PCDHA9: variants seen among roughly 807,000 people sequenced by gnomAD.
PCDHA9 encodes protocadherin alpha-9.
A neutral mutation model predicts 62.0 loss-of-function variants in PCDHA9; 62 were observed. That is an observed-to-expected ratio of 1.00 (90% CI 0.81 to 1.23). The LOEUF (loss-of-function observed/expected upper bound fraction) is 1.23. PCDHA9 is among the 50% of genes most tolerant of loss of function. The pLI is 0.00. For missense variants in PCDHA9, 1,205 were observed against 1,249.8 expected, an observed-to-expected ratio of 0.96 and a Z score of 0.54; for synonymous variants, 557 against 567.6, an observed-to-expected ratio of 0.98 and a Z score of 0.27.
At chr5:141,007,704 C>T (rs2098341593) in intron 3 of PCDHA9, among the ~76,000 whole-genome samples, 1 of 152,200 alleles carries the variant, frequency 6.6e-6, no homozygotes, top group African/African-American at 2.4e-5. Flanking sequence ...CCTCCTCTGC[C>T]TCCCACCACC....
chr5:140,972,280 T>C (rs1210047183), intron 1 of PCDHA9, among the ~76,000 whole-genome samples: 1 of 151,092 alleles, frequency 6.6e-6, no homozygotes, highest in South Asian at 2.1e-4. Context: ...GCTTGGACCA[T>C]AGATGTGCGC....
intron 1 of PCDHA9, chr5:140,875,484 C>A: frequency 6.2e-7 from 1 of 1,611,246 alleles, no homozygotes. Context: ...TGGTGATTAT[C>A]GGACCAAGAG....
Position 140,849,665 on chromosome 5 carries a change from G to T in PCDHA9, c.1170G>T (p.Thr390=), listed in dbSNP as rs1255665975. The change falls in exon 1 of 4, where the codon ACG becomes ACT. Residue 390 remains threonine (T), a synonymous_variant. Coordinates refer to ENST00000532602, the MANE Select transcript of PCDHA9 (RefSeq NM_031857.2). ...ACGGGCAGGTTACCTGCTCCCTGAC[G>T]CCCCACGTCCCCTTCAAGCTGGTGT... is the stretch of plus-strand genomic sequence containing the variant. ...DANGQVTCSL[T]PHVPFKLVST... 6.3e-7 allele frequency: 1 copy of T among 1,598,534 alleles called. No individual in the cohort carries two copies. The highest frequency in any genetic ancestry group is 2.2e-5 in the East Asian group (1 of 44,852).
intron 3 of PCDHA9, among the ~76,000 whole-genome samples, chr5:141,004,253 C>G (rs1460798910): frequency 6.6e-6 from 1 of 152,200 alleles, no homozygotes; most frequent in Non-Finnish European, 1.5e-5. Flanking sequence ...TTTTGTTTTA[C>G]TGGAATGAGT....
chr5:140,907,598 A>G (rs2073483512), intron 1 of PCDHA9, among the ~76,000 whole-genome samples: 1 of 152,198 alleles, frequency 6.6e-6, no homozygotes, highest in Admixed American at 6.5e-5. Context: ...CACCCTGAGG[A>G]ATGGTGCCAT....
At position 140,940,270 on chromosome 5, in the gene PCDHA9, G is replaced by A. The variant is rs1236320412; in HGVS notation, c.2395-38679G>A. Among the ~76,000 whole-genome samples, 4 of 152,094 alleles carry A rather than the reference G, an allele frequency of 2.6e-5. No homozygotes were observed. In the East Asian group the frequency reaches 7.7e-4, roughly 29 times the overall value. ...TCCTCAATATCTTCTGGGTTCCACT[G>A]TTGTCTCATTGTGCTGCTTCATCAG... On this transcript the variant is annotated intron_variant, in intron 1 of 3. Transcript: ENST00000532602.
At position 141,010,302 on chromosome 5, in the gene PCDHA9, A is replaced by C; in HGVS notation, c.*365A>C. On this transcript the variant is annotated 3_prime_UTR_variant, in exon 4 of 4. Coordinates refer to ENST00000532602, the MANE Select transcript of PCDHA9 (RefSeq NM_031857.2). ...TGATGACACTTGCAGGGCAGGCTGA[A>C]AAGTTTTGAGATTGAGCAGCTTGGG... The C allele has an allele frequency of 6.5e-7, 1 of 1,549,074 alleles. No individual in the cohort carries two copies. The highest frequency in any genetic ancestry group is 8.7e-7 in the Non-Finnish European group (1 of 1,146,244).
intron 1 of PCDHA9, chr5:140,862,507 G>C (rs2047400822): frequency 5.0e-6 from 2 of 401,986 alleles, no homozygotes; most frequent in Non-Finnish European, 5.0e-6. Flanking sequence ...ATGGGGACTC[G>C]CTTTCATTGT....
At position 140,943,090 on chromosome 5, in the gene PCDHA9, C is replaced by A. The variant is rs554425182; in HGVS notation, c.2395-35859C>A. On this transcript the variant is annotated intron_variant, in intron 1 of 3. Coordinates refer to ENST00000532602, the MANE Select transcript of PCDHA9 (RefSeq NM_031857.2). The stretch of plus-strand genomic sequence containing the variant: ...TGACCAACATGGTGAAATCCTGCCT[C>A]TACTAAAAAATACAAAAATTAGCCA... Among the ~76,000 whole-genome samples the A allele has an allele frequency of 1.8e-4, 27 of 151,656 alleles. No homozygotes were observed. The South Asian group carries it at 2.5e-3, about 14-fold the overall frequency.
At chr5:140,909,235 A>G (rs1554193708) in intron 1 of PCDHA9, among the ~76,000 whole-genome samples, 1 of 152,182 alleles carries the variant, frequency 6.6e-6, no homozygotes, top group African/African-American at 2.4e-5. Flanking sequence ...TAGGATGGTA[A>G]AGATATATTG....
chr5:140,858,100 C>T lies in PCDHA9; in HGVS notation c.2394+7211C>T, dbSNP rs368579908. ...AGGCCTCGTCGCGGGCTTCAGTGGG[C>T]GTGGCGCCCGAGGTGGCCCTGGTGG... On this transcript the variant is annotated intron_variant, in intron 1 of 3. Coordinates refer to ENST00000532602, the MANE Select transcript of PCDHA9 (RefSeq NM_031857.2). 202 of 1,597,586 alleles carry T rather than the reference C, an allele frequency of 1.3e-4. 22 individuals are homozygous for T. The highest frequency in any genetic ancestry group is 1.7e-4 in the Non-Finnish European group (196 of 1,167,684).
chr5:140,962,171 G>T (rs1218733161), intron 1 of PCDHA9, among the ~76,000 whole-genome samples: 1 of 151,902 alleles, frequency 6.6e-6, no homozygotes, highest in Admixed American at 6.6e-5. Flanking sequence ...CACCACACCC[G>T]GCCACTTATA....
intron 1 of PCDHA9, chr5:140,863,417 G>C: frequency 7.1e-6 from 5 of 701,160 alleles, no homozygotes; most frequent in African/African-American, 1.8e-5. Context: ...CTGGTGTACC[G>C]CAGCGTAGTG....
At chr5:140,935,633 C>T (rs1316098876) in intron 1 of PCDHA9, among the ~76,000 whole-genome samples, 4 of 152,046 alleles carry the variant, frequency 2.6e-5, no homozygotes, top group African/African-American at 7.2e-5. Context: ...AAATTTAGGG[C>T]TTGCTTTTTA....
chr5:140,954,777 T>C (rs1563274185), intron 1 of PCDHA9, among the ~76,000 whole-genome samples: 1 of 152,214 alleles, frequency 6.6e-6, no homozygotes, highest in African/African-American at 2.4e-5. Flanking sequence ...TTAATTTAAT[T>C]AGATCTCATT....
At position 140,850,781 on chromosome 5, in the gene PCDHA9, G is replaced by C. The variant is rs2150498025; in HGVS notation, c.2286G>C (p.Glu762Asp). Residue 762 changes from glutamate to aspartate, a missense_variant, in exon 1 of 4, where the codon GAG (glutamate) becomes GAC (aspartate). Coordinates refer to ENST00000532602, the MANE Select transcript of PCDHA9 (RefSeq NM_031857.2). ...QQRRQRVCSG[E>D]GKQKTDLMAF... ...GGAGGCAGAGGGTGTGCTCTGGCGA[G>C]GGTAAGCAGAAGACCGACCTCATGG... The C allele has an allele frequency of 1.3e-6, 2 of 1,598,096 alleles. No homozygotes were observed. The highest frequency in any genetic ancestry group is 2.7e-5 in the African/African-American group (2 of 74,238).
At chr5:140,876,165 C>G in intron 1 of PCDHA9, 17 of 1,613,944 alleles carry the variant, frequency 1.1e-5, no homozygotes, top group Non-Finnish European at 1.4e-5. Flanking sequence ...TTCAAATAAC[C>G]GTCCTGGATG....
intron 3 of PCDHA9, 167 bp from the exon 4 acceptor site, chr5:141,009,460 T>C (rs1375350735): frequency 3.2e-6 from 3 of 950,276 alleles, no homozygotes; most frequent in African/African-American, 1.8e-5. Flanking sequence ...ATTAAACAAA[T>C]AAATAAATAA....
At chr5:140,858,708 T>C in intron 1 of PCDHA9, 1 of 547,182 alleles carries the variant, frequency 1.8e-6, no homozygotes, top group African/African-American at 1.9e-5. Context: ...AAATATGTGA[T>C]ATAGGTTGCA....
Sources: gnomAD v4.1 joint callset for allele counts (sites outside exome capture counted in the v4.1 genomes callset) on GRCh38, gnomAD v4.1.1 for gene constraint, MANE v1.5 for transcripts, NCBI Gene and HGNC (gene_info 2026-07-23, HGNC 2026-07-21) for gene names.